CDYL2: variants seen among roughly 807,000 people sequenced by gnomAD.
The protein encoded by CDYL2 is chromodomain Y like 2.
Under a neutral mutation model 49.4 loss-of-function variants are expected in CDYL2, and 23 were observed. The ratio of observed to expected loss-of-function variants is 0.47; its 90% CI spans 0.34 to 0.66. CDYL2 has a LOEUF of 0.66. Among genes scored for constraint, CDYL2 ranks in the 30% least tolerant of loss-of-function variants. The pLI, the probability that CDYL2 is intolerant of heterozygous loss-of-function variation, is 0.01. For missense variants in CDYL2, 678 were observed against 656.4 expected (o/e 1.03, Z -0.36); for synonymous variants, 360 against 268.8 (o/e 1.34, Z -3.32).
chr16:80,758,139 T>C (rs764360034), intron 1 of CDYL2, among the ~76,000 whole-genome samples: 2 of 152,122 alleles, frequency 1.3e-5, no homozygotes, highest in Non-Finnish European at 2.9e-5. Context: ...TGTTGGTAAA[T>C]GTGAGATTTC....
rs549374369 is a variant in CDYL2, at chr16:80,602,034, T to C, written c.*2354A>G. 3.3e-5 allele frequency: 5 copies of C among 152,294 alleles called. No homozygotes were observed. The highest frequency in any genetic ancestry group is 1.2e-4 in the African/African-American group (5 of 41,566). 9.4% of individuals were successfully genotyped at this position (152,294 alleles called of 1,614,324 possible). ...AGAATCCTGACCCCACTTCAACCGA[T>C]GCTGAATATAACTGCGCCCAATCAG... is the stretch of plus-strand genomic sequence containing the variant. On this transcript the variant is annotated 3_prime_UTR_variant, in exon 7 of 7. Transcript: ENST00000570137.
Position 80,748,969 on chromosome 16 carries a change from C to T in CDYL2, c.24+55181G>A, listed in dbSNP as rs116353348. Among the ~76,000 whole-genome samples the T allele has an allele frequency of 9.1e-3, 1,386 of 152,176 alleles. 26 individuals are homozygous for T. Among genetic ancestry groups the T allele is most frequent in the African/African-American group, 0.031 (1,301 of 41,512 alleles). On this transcript the variant is annotated intron_variant, in intron 1 of 6. Coordinates refer to ENST00000570137, the MANE Select transcript of CDYL2 (RefSeq NM_152342.4). ...TCTGTACATGGTTGAATATTACCAT[C>T]GAGAACATTGAGGATAGAAAAATAC...
intron 2 of CDYL2, among the ~76,000 whole-genome samples, chr16:80,648,591 C>T (rs753684243): frequency 2.4e-4 from 36 of 151,916 alleles, no homozygotes; most frequent in Non-Finnish European, 4.7e-4. Context: ...AATACCAATC[C>T]TACTCAAACT....
chr16:80,631,679 T>C (rs1485855184), intron 3 of CDYL2, among the ~76,000 whole-genome samples: 1 of 152,058 alleles, frequency 6.6e-6, no homozygotes, highest in Admixed American at 6.6e-5. Flanking sequence ...CTAGAGTAAA[T>C]AAAGAATGCC....
At chr16:80,672,514 G>GGA (rs1909560746) in intron 2 of CDYL2, among the ~76,000 whole-genome samples, 3 of 108,732 alleles carry the variant, frequency 2.8e-5, no homozygotes, top group African/African-American at 6.3e-5. Flanking sequence ...AAGAAGGAAA[G>GGA]AAGCAAAGCA....
At chr16:80,703,670 T>G (rs1335915631) in intron 1 of CDYL2, among the ~76,000 whole-genome samples, 1 of 152,134 alleles carries the variant, frequency 6.6e-6, no homozygotes, top group Admixed American at 6.5e-5. Context: ...GAGGGACAAG[T>G]GACCCAGCCC....
intron 2 of CDYL2, among the ~76,000 whole-genome samples, chr16:80,666,964 G>A (rs933485695): frequency 6.6e-6 from 1 of 152,222 alleles, no homozygotes; most frequent in Non-Finnish European, 1.5e-5. Context: ...TTCTGATCGA[G>A]TGAAAGAGGC....
intron 6 of CDYL2, among the ~76,000 whole-genome samples, chr16:80,605,918 G>A (rs2142356577): frequency 6.6e-6 from 1 of 152,206 alleles, no homozygotes; most frequent in East Asian, 1.9e-4. Context: ...AAGTGGCCCA[G>A]GGCTGCCTGA....
chr16:80,764,029 G>T (rs1377233867), intron 1 of CDYL2, among the ~76,000 whole-genome samples: 1 of 152,024 alleles, frequency 6.6e-6, no homozygotes, highest in African/African-American at 2.4e-5. Flanking sequence ...AAAATAAAAG[G>T]AATGAGATTA....
chr16:80,639,576 T>C (rs59750886), intron 2 of CDYL2: 9,340 of 421,762 alleles, frequency 0.022, 759 homozygotes, highest in African/African-American at 0.18. Flanking sequence ...CTCCATGGAT[T>C]GTACCCTCCC....
At chr16:80,646,631 A>T (rs1908357959) in intron 2 of CDYL2, among the ~76,000 whole-genome samples, 1 of 152,128 alleles carries the variant, frequency 6.6e-6, no homozygotes, top group Non-Finnish European at 1.5e-5. Context: ...TCTACTACAA[A>T]TACAAAAATC....
At chr16:80,629,558 T>C (rs947576654) in intron 3 of CDYL2, among the ~76,000 whole-genome samples, 2 of 152,178 alleles carry the variant, frequency 1.3e-5, no homozygotes. Flanking sequence ...GGATAAGCTT[T>C]CAATCAAGGA....
chr16:80,728,348 T>C (rs946464185), intron 1 of CDYL2, among the ~76,000 whole-genome samples: 3 of 151,756 alleles, frequency 2.0e-5, no homozygotes, highest in African/African-American at 7.3e-5. Context: ...AGGGTATCAG[T>C]GATGGAAGAT....
chr16:80,612,478 GCA>G lies in CDYL2; in HGVS notation c.1218+146_1218+147del. The G allele has an allele frequency of 1.0e-5, 7 of 696,498 alleles. No individual in the cohort carries two copies. Among genetic ancestry groups the G allele is most frequent in the Non-Finnish European group, 1.7e-5 (7 of 416,772 alleles). The allele number at this position is 696,498 out of a possible 1,614,324, so 43.1% of individuals were successfully genotyped here. A position where few individuals can be genotyped will look rare whatever the true frequency, so the allele number is the denominator to read the frequency against. On this transcript the variant is annotated intron_variant, in intron 5 of 6. Transcript: ENST00000570137. This position sits in a 1 kb window ranked among gnomAD's most constrained non-coding sequence, Gnocchi z 5.0. ...TTCTCAGGCCGGGCTACTCCATCTG[GCA>G]CTGAAGGTGTGAAGGACATGAGGCA...
intron 1 of CDYL2, among the ~76,000 whole-genome samples, chr16:80,722,104 C>T (rs993720514): frequency 3.9e-5 from 6 of 152,030 alleles, no homozygotes; most frequent in African/African-American, 1.4e-4. Context: ...AGCATTGAGT[C>T]ATATAATAGA....
At position 80,684,732 on chromosome 16, in the gene CDYL2, G is replaced by C. The variant is rs750840122; in HGVS notation, c.422C>G (p.Pro141Arg). Residue 141 changes from proline (P) to arginine (R), a missense_variant, in exon 2 of 7, where the codon CCC becomes CGC. Transcript: ENST00000570137. The part of the protein sequence containing the change: ...ATKTVSYRTT[P>R]SGLQIMPLKK... The stretch of plus-strand genomic sequence containing the variant: ...CAGGGGCATTATTTGCAAACCACTG[G>C]GGGTAGTCCTGTAAGACACCGTCTT... 1.9e-6 allele frequency: 3 copies of C among 1,614,036 alleles called. No individual in the cohort carries two copies. Among genetic ancestry groups the C allele is most frequent in the African/African-American group, 1.3e-5 (1 of 74,922 alleles).
chr16:80,736,201 C>T (rs968006103), intron 1 of CDYL2, among the ~76,000 whole-genome samples: 5 of 152,238 alleles, frequency 3.3e-5, no homozygotes, highest in East Asian at 1.9e-4. Flanking sequence ...CACATCCCCA[C>T]CATCAATACA....
intron 1 of CDYL2, among the ~76,000 whole-genome samples, chr16:80,779,615 A>C (rs1235004773): frequency 6.6e-6 from 1 of 152,170 alleles, no homozygotes; most frequent in Admixed American, 6.5e-5. Context: ...ACCAAGTATA[A>C]AATCTAATAT....
intron 2 of CDYL2, among the ~76,000 whole-genome samples, chr16:80,679,957 G>A (rs574961275): frequency 5.3e-5 from 8 of 152,246 alleles, no homozygotes; most frequent in South Asian, 4.1e-4. Context: ...GGATTCTGAC[G>A]CCGGATCCAT....
Sources: allele counts gnomAD v4.1 joint callset (sites outside exome capture counted in the v4.1 genomes callset), GRCh38; gene constraint gnomAD v4.1.1; non-coding constraint Gnocchi (gnomAD v3.1); transcripts MANE v1.5; gene names NCBI Gene and HGNC (gene_info 2026-07-23, HGNC 2026-07-21).